Variants in TPTE2 observed in about 807,000 individuals in gnomAD.
The protein encoded by TPTE2 is phosphatidylinositol 3,4,5-trisphosphate 3-phosphatase TPTE2.
TPTE2 carries 53 observed loss-of-function variants against 78.6 expected under a neutral mutation model. The observed-to-expected ratio is 0.67, with a 90% CI of 0.54 to 0.85. TPTE2 has a LOEUF of 0.85. Ranked by LOEUF, TPTE2 falls within the 40% of genes least tolerant of loss-of-function variation. TPTE2 has a pLI of 0.00. For synonymous variants in TPTE2, 175 were observed against 206.2 expected, an observed-to-expected ratio of 0.85 and a Z score of 1.30; for missense variants, 461 against 623.0, an observed-to-expected ratio of 0.74 and a Z score of 2.77.
intron 19 of TPTE2, among the ~76,000 whole-genome samples, chr13:19,424,369 T>C (rs1313036404): frequency 6.6e-6 from 1 of 152,182 alleles, no homozygotes; most frequent in African/African-American, 2.4e-5. Context: ...CAAACCCAAT[T>C]AGTAATTTTT....
intron 1 of TPTE2, among the ~76,000 whole-genome samples, chr13:19,495,505 C>T (rs2932151): frequency 0.14 from 20,941 of 152,138 alleles, 1,628 homozygotes; most frequent in African/African-American, 0.2. Flanking sequence ...TTCCTACCTC[C>T]ATCCAAAAAA....
chr13:19,458,592 G>C, intron 10 of TPTE2: 1 of 457,926 alleles, frequency 2.2e-6, no homozygotes, highest in Non-Finnish European at 4.4e-6. Context: ...CCAATGGCCT[G>C]ACCTGTCTTC....
At chr13:19,492,556 A>C (rs1881055791) in intron 3 of TPTE2, among the ~76,000 whole-genome samples, 1 of 152,168 alleles carries the variant, frequency 6.6e-6, no homozygotes, top group Non-Finnish European at 1.5e-5. Context: ...CTCCTTATAC[A>C]ACTCCTTCAA....
chr13:19,509,457 G>T (rs3002093), intron 1 of TPTE2, among the ~76,000 whole-genome samples: 149,988 of 152,262 alleles, frequency 0.99, 73,915 homozygotes, highest in Middle Eastern at 1. Context: ...ACAACTAAAA[G>T]TTTTTAAAAT....
chr13:19,513,359 A>G (rs1869582908), intron 1 of TPTE2, among the ~76,000 whole-genome samples: 1 of 152,236 alleles, frequency 6.6e-6, no homozygotes, highest in African/African-American at 2.4e-5. Flanking sequence ...CTTTTTAGAA[A>G]GAATTTTAGA....
chr13:19,529,075 G>A (rs1220634567), intron 1 of TPTE2, among the ~76,000 whole-genome samples: 3 of 152,182 alleles, frequency 2.0e-5, no homozygotes, highest in Non-Finnish European at 2.9e-5. Context: ...CCAAGATCGT[G>A]CCACTGTACT....
the TPTE2 span, chr13:19,560,978 G>A: frequency 6.3e-7 from 1 of 1,588,194 alleles, no homozygotes; most frequent in Non-Finnish European, 8.6e-7. Flanking sequence ...CTCACAGGAT[G>A]ACACACCGCA....
chr13:19,519,934 G>A (rs375918856), intron 1 of TPTE2, among the ~76,000 whole-genome samples: 3 of 151,964 alleles, frequency 2.0e-5, no homozygotes, highest in African/African-American at 7.2e-5. Context: ...ATTTATTTAG[G>A]TCTTAATCAC....
At chr13:19,458,390 G>A (rs1214157766) in intron 10 of TPTE2, 1 of 391,832 alleles carries the variant, frequency 2.6e-6, no homozygotes, top group Non-Finnish European at 5.1e-6. Flanking sequence ...GTATAAGGCA[G>A]TGGCCAATTA....
the TPTE2 span, chr13:19,560,829 C>A: frequency 7.8e-6 from 12 of 1,532,012 alleles, no homozygotes; most frequent in East Asian, 1.7e-4. Context: ...GCGGTCCAGG[C>A]GCGCTCCCGC....
At chr13:19,456,615 C>G (rs1410263614) in intron 10 of TPTE2, among the ~76,000 whole-genome samples, 1 of 152,002 alleles carries the variant, frequency 6.6e-6, no homozygotes, top group Non-Finnish European at 1.5e-5. Flanking sequence ...GTTGTAAAAC[C>G]TGTACACTGC....
intron 15 of TPTE2, among the ~76,000 whole-genome samples, chr13:19,434,827 A>T (rs1044069383): frequency 2.0e-5 from 3 of 152,188 alleles, no homozygotes; most frequent in African/African-American, 7.2e-5. Context: ...AATATAGAAA[A>T]GGCAATATAA....
rs574739510 is a variant in TPTE2, at chr13:19,425,712, A to T, written c.1396-695T>A. The T allele has an allele frequency of 7.8e-6, 4 of 515,642 alleles. No individual in the cohort carries two copies. In the East Asian group the frequency reaches 2.2e-4, roughly 28 times the overall value. 31.9% of individuals were successfully genotyped at this position (515,642 alleles called of 1,614,324 possible). On this transcript the variant is annotated intron_variant, in intron 18 of 19. Transcript: ENST00000400230. The stretch of plus-strand genomic sequence containing the variant: ...CTGCTCAGGTAGCACCTTACATCCC[A>T]ATAAAGGCTTCCACTCTCAGGTCCC...
At chr13:19,491,118 C>T (rs1364098773) in intron 3 of TPTE2, among the ~76,000 whole-genome samples, 1 of 152,170 alleles carries the variant, frequency 6.6e-6, no homozygotes, top group East Asian at 1.9e-4. Flanking sequence ...CAATGAACTT[C>T]CCAAATCTGA....
At chr13:19,487,669 C>T (rs1424949233) in intron 3 of TPTE2, among the ~76,000 whole-genome samples, 1 of 152,126 alleles carries the variant, frequency 6.6e-6, no homozygotes, top group African/African-American at 2.4e-5. Flanking sequence ...GGGATTGTGG[C>T]TTTAACCCAC....
chr13:19,493,484 A>C, exon 2 of TPTE2: 1 of 1,613,712 alleles, frequency 6.2e-7, no homozygotes, highest in South Asian at 1.1e-5. Context: ...TGTTCCTTTA[A>C]ATTCGTTTGT....
chr13:19,426,335 C>G (rs976898152), intron 18 of TPTE2, 90 bp downstream of exon 21: 1 of 922,916 alleles, frequency 1.1e-6, no homozygotes, highest in Non-Finnish European at 1.8e-6. Context: ...CCCTCCCCCT[C>G]CCTTGTTGGG....
rs1325658162 is a variant in TPTE2 at position 19,535,192 on chromosome 13, G to C, written c.-44+1404C>G. The stretch of plus-strand genomic sequence containing the variant: ...CACTCTAGCCTGGGTGACAGAGTGA[G>C]ATTCCTTCTCAAAAAAACAAACAAA... On this transcript the variant is annotated intron_variant, in intron 1 of 17. Transcript: ENST00000390680. This position sits in a 1 kb window ranked among gnomAD's most constrained non-coding sequence, Gnocchi z 5.1. Among the ~76,000 whole-genome samples the C allele has an allele frequency of 6.8e-6, 1 of 147,128 alleles. No homozygotes were observed. The highest frequency in any genetic ancestry group is 1.5e-5 in the Non-Finnish European group (1 of 67,434).
At chr13:19,479,451 A>G (rs1467483485) in intron 4 of TPTE2, among the ~76,000 whole-genome samples, 2 of 152,208 alleles carry the variant, frequency 1.3e-5, no homozygotes, top group Non-Finnish European at 2.9e-5. Context: ...TGCAAGGGAT[A>G]AAAACAAATC....
Sources: allele counts gnomAD v4.1 joint callset (sites outside exome capture counted in the v4.1 genomes callset), GRCh38; gene constraint gnomAD v4.1.1; non-coding constraint Gnocchi (gnomAD v3.1); transcripts MANE v1.5; gene names NCBI Gene and HGNC (gene_info 2026-07-23, HGNC 2026-07-21).